NELL1: variants seen among roughly 807,000 people sequenced by gnomAD.
The protein encoded by NELL1 is protein kinase C-binding protein NELL1.
In NELL1, 76 loss-of-function variants were observed where a neutral mutation model predicts 107.4. That is an observed-to-expected ratio of 0.71 (90% CI 0.59 to 0.86). NELL1 has a LOEUF of 0.86. Among genes scored for constraint, NELL1 ranks in the 40% least tolerant of loss-of-function variants. The pLI, the probability that NELL1 is intolerant of heterozygous loss-of-function variation, is 0.00. For missense variants in NELL1, 1,024 were observed against 1,005.5 expected, an observed-to-expected ratio of 1.02 and a Z score of -0.25; for synonymous variants, 353 against 341.2, an observed-to-expected ratio of 1.03 and a Z score of -0.38.
intron 2 of NELL1, among the ~76,000 whole-genome samples, chr11:20,702,598 C>G (rs142564568): frequency 0.2 from 29,638 of 151,584 alleles, 3,204 homozygotes; most frequent in African/African-American, 0.25. Flanking sequence ...AGTTTTCAAA[C>G]GGAATGCTTC....
chr11:21,521,889 T>C (rs1250950810), intron 15 of NELL1, among the ~76,000 whole-genome samples: 2 of 152,230 alleles, frequency 1.3e-5, no homozygotes, highest in Non-Finnish European at 2.9e-5. Flanking sequence ...CTTTTGGTCA[T>C]TCATATGTCT....
chr11:21,378,239 T>C (rs929723229), intron 15 of NELL1, among the ~76,000 whole-genome samples: 3 of 140,216 alleles, frequency 2.1e-5, no homozygotes, highest in Non-Finnish European at 4.6e-5. Context: ...TTTTAAAAAG[T>C]CTTTTTAAAA....
chr11:21,012,956 C>T (rs12272392), intron 12 of NELL1, among the ~76,000 whole-genome samples: 17,713 of 151,066 alleles, frequency 0.12, 3,442 homozygotes, highest in African/African-American at 0.41. Flanking sequence ...AATCCTGAGC[C>T]GTAATTTCTA....
At chr11:21,491,301 G>C (rs985441937) in intron 15 of NELL1, among the ~76,000 whole-genome samples, 4 of 152,078 alleles carry the variant, frequency 2.6e-5, no homozygotes, top group Admixed American at 1.3e-4. Context: ...CTAATGCCTA[G>C]ATTTTCTTCT....
chr11:21,453,788 C>T (rs1853647792), intron 15 of NELL1, among the ~76,000 whole-genome samples: 1 of 148,928 alleles, frequency 6.7e-6, no homozygotes, highest in Admixed American at 6.7e-5. Flanking sequence ...TTAGCTATAA[C>T]TCTTTTGTGT....
At chr11:20,934,916 A>G (rs1215828166) in intron 9 of NELL1, among the ~76,000 whole-genome samples, 1 of 152,180 alleles carries the variant, frequency 6.6e-6, no homozygotes, top group Non-Finnish European at 1.5e-5. Flanking sequence ...TACTGAAGGG[A>G]GGAAAGGACC....
chr11:21,086,031 C>T (rs536354990), intron 12 of NELL1, among the ~76,000 whole-genome samples: 5 of 152,246 alleles, frequency 3.3e-5, no homozygotes, highest in Admixed American at 1.3e-4. Flanking sequence ...CTCCATTTTT[C>T]AGAATGCAAT....
At chr11:20,778,498 C>CTTTTTTTTTTTTTT (rs1161737750) in intron 2 of NELL1, among the ~76,000 whole-genome samples, 1 of 73,034 alleles carries the variant, frequency 1.4e-5, no homozygotes, top group Non-Finnish European at 2.5e-5. Context: ...TCACCCAGCA[C>CTTTTTTTTTTTTTT]TTTTTTTTTT....
At chr11:20,778,498 C>CT (rs1161737750) in intron 2 of NELL1, among the ~76,000 whole-genome samples, 3,633 of 72,950 alleles carry the variant, frequency 0.05, 145 homozygotes, top group African/African-American at 0.073. Flanking sequence ...TCACCCAGCA[C>CT]TTTTTTTTTT....
chr11:20,964,388 A>T (rs1040900312), intron 12 of NELL1, among the ~76,000 whole-genome samples: 2 of 152,220 alleles, frequency 1.3e-5, no homozygotes, highest in Non-Finnish European at 2.9e-5. Context: ...ACATCATGCC[A>T]TCTGTCAGGT....
At chr11:21,181,587 A>T (rs1243456043) in intron 13 of NELL1, among the ~76,000 whole-genome samples, 1 of 151,908 alleles carries the variant, frequency 6.6e-6, no homozygotes, top group Non-Finnish European at 1.5e-5. Context: ...TTAAGGAAAC[A>T]GCTGGGAAAT....
chr11:20,900,149 C>A (rs1849840489), intron 5 of NELL1, among the ~76,000 whole-genome samples: 2 of 152,074 alleles, frequency 1.3e-5, no homozygotes, highest in South Asian at 2.1e-4. Context: ...TTGTACTAGG[C>A]CTTGAATGGC....
chr11:21,465,384 C>T (rs985989513), intron 15 of NELL1, among the ~76,000 whole-genome samples: 1 of 152,064 alleles, frequency 6.6e-6, no homozygotes, highest in African/African-American at 2.4e-5. Context: ...TTGTTTTCAG[C>T]TCTGGGCTCT....
chr11:21,295,011 T>G (rs924838830), intron 14 of NELL1, among the ~76,000 whole-genome samples: 10 of 152,100 alleles, frequency 6.6e-5, no homozygotes, highest in African/African-American at 2.4e-4. Flanking sequence ...CAGATGAAGT[T>G]TTCGTTCTGT....
At chr11:21,381,058 T>C (rs12788648) in intron 15 of NELL1, among the ~76,000 whole-genome samples, 1 of 152,068 alleles carries the variant, frequency 6.6e-6, no homozygotes, top group African/African-American at 2.4e-5. Flanking sequence ...AGTAGTCAAG[T>C]TGAGATTCTA....
chr11:20,710,409 G>C (rs978371348), intron 2 of NELL1, among the ~76,000 whole-genome samples: 3 of 152,134 alleles, frequency 2.0e-5, no homozygotes, highest in African/African-American at 7.2e-5. Flanking sequence ...CTAGAACATG[G>C]TGTGATATCT....
At chr11:21,207,700 A>G (rs1282016719) in intron 13 of NELL1, among the ~76,000 whole-genome samples, 1 of 152,142 alleles carries the variant, frequency 6.6e-6, no homozygotes, top group African/African-American at 2.4e-5. Context: ...GACTAAGCCA[A>G]CTATGCCAAG....
At chr11:21,386,591 A>G (rs1851751287) in intron 15 of NELL1, among the ~76,000 whole-genome samples, 1 of 151,806 alleles carries the variant, frequency 6.6e-6, no homozygotes, top group African/African-American at 2.4e-5. Context: ...TGGTTAAAGA[A>G]CTGCGGACTG....
At chr11:21,500,946 G>C (rs1033345277) in intron 15 of NELL1, among the ~76,000 whole-genome samples, 2 of 152,090 alleles carry the variant, frequency 1.3e-5, no homozygotes, top group African/African-American at 2.4e-5. Context: ...CCCCTATGCT[G>C]TGTTCTGATA....
Sources: gnomAD v4.1 joint callset for allele counts (sites outside exome capture counted in the v4.1 genomes callset) on GRCh38, gnomAD v4.1.1 for gene constraint, MANE v1.5 for transcripts, NCBI Gene and HGNC (gene_info 2026-07-23, HGNC 2026-07-21) for gene names.